LARP4B: variants seen among roughly 807,000 people sequenced by gnomAD.
The protein encoded by LARP4B is La ribonucleoprotein 4B.
LARP4B carries 12 observed loss-of-function variants against 89.8 expected under a neutral mutation model. The observed-to-expected ratio is 0.13, with a 90% CI of 0.09 to 0.22. The LOEUF (loss-of-function observed/expected upper bound fraction) is 0.22, where lower values mean the gene tolerates loss of function less well. Ranked by LOEUF, LARP4B falls within the 10% of genes least tolerant of loss-of-function variation. LARP4B has a pLI of 1.00. For synonymous variants in LARP4B, 367 were observed against 363.3 expected, an observed-to-expected ratio of 1.01 and a Z score of -0.12; for missense variants, 757 against 947.7, an observed-to-expected ratio of 0.80 and a Z score of 2.64.
At chr10:911,307 G>A (rs972908444) in intron 1 of LARP4B, among the ~76,000 whole-genome samples, 3 of 151,998 alleles carry the variant, frequency 2.0e-5, no homozygotes, top group South Asian at 2.1e-4. Context: ...AGAGTTCTAC[G>A]GTCAGAAGTA....
chr10:816,093 G>A (rs1307826795), intron 15 of LARP4B, among the ~76,000 whole-genome samples: 2 of 152,210 alleles, frequency 1.3e-5, no homozygotes, highest in African/African-American at 2.4e-5. Flanking sequence ...GCCGGGTGTG[G>A]TGGTGCATGC....
Position 884,492 on chromosome 10 carries a change from T to C in LARP4B, c.96A>G (p.Ile32Met), listed in dbSNP as rs1225199161. Residue 32 changes from isoleucine (I) to methionine (M), a missense_variant, in exon 3 of 18, where the codon ATA (isoleucine) becomes ATG (methionine). Physicochemically the swap from Ile to Met is conservative, Grantham distance 10 (BLOSUM62 1). Around this residue, in one of 5 missense-constraint regions of LARP4B, gnomAD observed 175 missense variants for 187.0 expected, o/e 0.94. Coordinates refer to ENST00000316157, the MANE Select transcript of LARP4B (RefSeq NM_015155.3). ...KDSAHLMNGP[I>M]SQTTSQTSSI... Reference sequence around the variant, plus strand: ...AACTTGTCTGAGAAGTGGTTTGAGATATAGGACCATTCATCTGTAAAATTG... The same window carrying C: ...AACTTGTCTGAGAAGTGGTTTGAGACATAGGACCATTCATCTGTAAAATTG... 2.5e-6 allele frequency: 4 copies of C among 1,602,172 alleles called. No homozygotes were observed. The highest frequency in any genetic ancestry group is 3.4e-6 in the Non-Finnish European group (4 of 1,169,478).
At chr10:857,554 G>C (rs1045911134) in intron 5 of LARP4B, among the ~76,000 whole-genome samples, 1 of 152,206 alleles carries the variant, frequency 6.6e-6, no homozygotes, top group African/African-American at 2.4e-5. Flanking sequence ...CCACCATTGG[G>C]GGAGGTACGA....
rs80136711 is a variant in LARP4B, at chr10:836,873, G to A, written c.647-367C>T. Among the ~76,000 whole-genome samples the A allele has an allele frequency of 2.8e-4, 42 of 152,220 alleles. No individual in the cohort carries two copies. In the East Asian group the frequency reaches 7.1e-3, roughly 26 times the overall value. ...CCCTGATGATCATCCCTCACCTAAC[G>A]GTCGTGCACTGTTTACATTAGGATG... On this transcript the variant is annotated intron_variant, in intron 7 of 17. Coordinates refer to ENST00000316157, the MANE Select transcript of LARP4B (RefSeq NM_015155.3).
chr10:945,437 A>G, the LARP4B span, among the ~76,000 whole-genome samples: 7 of 151,642 alleles, frequency 4.6e-5, no homozygotes, highest in Non-Finnish European at 1.5e-5. Flanking sequence ...CTGTAATCCC[A>G]GCACTTTGGG....
intron 5 of LARP4B, among the ~76,000 whole-genome samples, chr10:862,254 G>GT (rs1238679704): frequency 3.9e-4 from 23 of 59,110 alleles, no homozygotes; most frequent in African/African-American, 1.5e-3. Flanking sequence ...CTCCACTGAA[G>GT]TTAAAAAAAA....
intron 3 of LARP4B, among the ~76,000 whole-genome samples, chr10:875,436 T>C (rs974907352): frequency 2.0e-5 from 3 of 152,156 alleles, no homozygotes; most frequent in Admixed American, 6.6e-5. Context: ...TCCCCCGACC[T>C]CTTCTATCTC....
chr10:854,084 T>A (rs1195889113), intron 5 of LARP4B, among the ~76,000 whole-genome samples: 1 of 152,202 alleles, frequency 6.6e-6, no homozygotes, highest in Non-Finnish European at 1.5e-5. Context: ...CAAGAAACCA[T>A]TTTCTTTGCT....
intron 1 of LARP4B, among the ~76,000 whole-genome samples, chr10:887,444 T>A (rs1176536580): frequency 6.7e-6 from 1 of 149,880 alleles, no homozygotes; most frequent in Admixed American, 6.7e-5. Context: ...ATGTGGTGGC[T>A]CATACCTATA....
In LARP4B at chr10:872,262, C is replaced by T. The variant is rs11253484; in HGVS notation, c.142-7992G>A. On this transcript the variant is annotated intron_variant, in intron 3 of 17. Transcript: ENST00000316157. ...GCCACAGGCTCAGGGCAAGGCTTGG[C>T]TTTCCCACTGCATTCCCCTGTCCTT... Among the ~76,000 whole-genome samples, 1,323 of 152,348 alleles carry T rather than the reference C, an allele frequency of 8.7e-3. 25 individuals carry two copies. The highest frequency in any genetic ancestry group is 0.03 in the African/African-American group (1,255 of 41,584).
intron 5 of LARP4B, among the ~76,000 whole-genome samples, chr10:852,084 T>C (rs1347551708): frequency 6.6e-6 from 1 of 151,714 alleles, no homozygotes; most frequent in Non-Finnish European, 1.5e-5. Flanking sequence ...TAAGTAAGTT[T>C]AGTAAGTAAG....
At chr10:876,888 C>A (rs930778755) in intron 3 of LARP4B, among the ~76,000 whole-genome samples, 2 of 152,110 alleles carry the variant, frequency 1.3e-5, no homozygotes, top group Non-Finnish European at 2.9e-5. Context: ...GTGGAGGCTG[C>A]CCCACAGCTC....
intron 11 of LARP4B, among the ~76,000 whole-genome samples, chr10:827,130 T>G (rs536761997): frequency 1.3e-3 from 201 of 152,042 alleles, no homozygotes; most frequent in African/African-American, 4.3e-3. Flanking sequence ...AAAAAAATTA[T>G]CCGGGCGTAG....
chr10:825,623 T>A lies in LARP4B; in HGVS notation c.1232+141A>T, dbSNP rs1832577679. On this transcript the variant is annotated intron_variant, in intron 12 of 17. Coordinates refer to ENST00000316157, the MANE Select transcript of LARP4B (RefSeq NM_015155.3). Reference sequence around the variant, plus strand: ...GGGCACCCATGCCAGATTGTAGTGCTTAGTCTTTACAGAATGCAGCTGTGT... The same window carrying A: ...GGGCACCCATGCCAGATTGTAGTGCATAGTCTTTACAGAATGCAGCTGTGT... 6.1e-6 allele frequency: 4 copies of A among 653,526 alleles called. No individual in the cohort carries two copies. In the Admixed American group the frequency reaches 8.6e-5, roughly 14 times the overall value. 40.5% of individuals were successfully genotyped at this position (653,526 alleles called of 1,614,324 possible).
At chr10:984,559 T>G in the LARP4B span, among the ~76,000 whole-genome samples, 1 of 152,174 alleles carries the variant, frequency 6.6e-6, no homozygotes, top group African/African-American at 2.4e-5. Flanking sequence ...CACAGGTGCC[T>G]GTCATGATCC....
chr10:837,498 A>T (rs1326735175), intron 7 of LARP4B, among the ~76,000 whole-genome samples: 1 of 152,228 alleles, frequency 6.6e-6, no homozygotes, highest in East Asian at 1.9e-4. Context: ...TAAAAATGCA[A>T]AACATTTACA....
chr10:949,361 T>C, the LARP4B span, among the ~76,000 whole-genome samples: 1 of 151,914 alleles, frequency 6.6e-6, no homozygotes, highest in African/African-American at 2.4e-5. Context: ...GGCTGTACCA[T>C]CTTACATCCC....
rs1831946861 is a variant in LARP4B at position 814,907 on chromosome 10, C to T, written c.1820+39G>A. ...ATGCAACATCACAGGCCATTCAAGT[C>T]AGTCAACACCAAGGCGCTGGAAGAA... On this transcript the variant is annotated intron_variant, in intron 16 of 17. Transcript: ENST00000316157. The surrounding 1 kb of genome is among the most constrained non-coding windows in gnomAD (Gnocchi z 4.4). 2 of 1,575,834 alleles carry T rather than the reference C, an allele frequency of 1.3e-6. No individual in the cohort carries two copies. The highest frequency in any genetic ancestry group is 1.2e-5 in the South Asian group (1 of 86,040).
intron 5 of LARP4B, among the ~76,000 whole-genome samples, chr10:861,900 A>G (rs969359052): frequency 1.3e-5 from 2 of 152,194 alleles, no homozygotes; most frequent in African/African-American, 4.8e-5. Context: ...CTCAATGTAT[A>G]ATGCCTTTTT....
Sources: allele counts gnomAD v4.1 joint callset (sites outside exome capture counted in the v4.1 genomes callset), GRCh38; gene constraint gnomAD v4.1.1; regional missense constraint gnomAD v4.1.1; non-coding constraint Gnocchi (gnomAD v3.1); transcripts MANE v1.5; gene names NCBI Gene and HGNC (gene_info 2026-07-23, HGNC 2026-07-21).